Variants in SLC49A4 observed in about 807,000 individuals in gnomAD.
SLC49A4 encodes solute carrier family 49 member 4, also known as disrupted in renal cancer protein 2.
SLC49A4 carries 36 observed loss-of-function variants against 50.6 expected under a neutral mutation model. The observed-to-expected ratio is 0.71, with a 90% CI of 0.55 to 0.94. The LOEUF (loss-of-function observed/expected upper bound fraction) is 0.94, where lower values mean the gene tolerates loss of function less well. SLC49A4 is among the 40% of genes least tolerant of loss of function. The pLI is 0.00. For missense variants in SLC49A4, 503 were observed against 605.7 expected, an observed-to-expected ratio of 0.83 and a Z score of 1.78; for synonymous variants, 248 against 241.2, an observed-to-expected ratio of 1.03 and a Z score of -0.26.
At chr3:122,810,708 T>C (rs1047564281) in intron 2 of SLC49A4, among the ~76,000 whole-genome samples, 10 of 152,248 alleles carry the variant, frequency 6.6e-5, no homozygotes, top group African/African-American at 2.4e-4. Context: ...ATATTAACAA[T>C]ACTTAATGTT....
intron 3 of SLC49A4, among the ~76,000 whole-genome samples, 199 bp from the exon 4 acceptor site, chr3:122,833,118 A>G (rs139377044): frequency 0.033 from 5,029 of 152,088 alleles, 121 homozygotes; most frequent in Middle Eastern, 0.078. Flanking sequence ...GCATGCATCT[A>G]TGGTCCCAGC....
chr3:122,803,851 G>C (rs1413699471), intron 1 of SLC49A4, among the ~76,000 whole-genome samples: 1 of 152,202 alleles, frequency 6.6e-6, no homozygotes, highest in Non-Finnish European at 1.5e-5. Flanking sequence ...CTGAATGTTG[G>C]ATGCCATGTT....
rs1937103170 is a variant in SLC49A4 at position 122,865,285 on chromosome 3, A to C, written c.1138+5083A>C. Among the ~76,000 whole-genome samples, 4 of 152,218 alleles carry C rather than the reference A, an allele frequency of 2.6e-5. No individual in the cohort carries two copies. The South Asian group carries it at 8.3e-4, about 32-fold the overall frequency. On this transcript the variant is annotated intron_variant, in intron 7 of 8. Transcript: ENST00000261038. Reference sequence around the variant, plus strand: ...TATCCATGGAGATTTTCAAGAAGAGAAATAAGTCTTGCAGCAGATTCTGTG... The same window carrying C: ...TATCCATGGAGATTTTCAAGAAGAGCAATAAGTCTTGCAGCAGATTCTGTG...
At chr3:122,799,077 C>T (rs765454435) in intron 1 of SLC49A4, among the ~76,000 whole-genome samples, 2 of 152,022 alleles carry the variant, frequency 1.3e-5, no homozygotes, top group Non-Finnish European at 2.9e-5. Context: ...AGTGTGCCCT[C>T]GAAGCTAACT....
intron 4 of SLC49A4, among the ~76,000 whole-genome samples, chr3:122,843,703 G>A (rs1936809446): frequency 6.6e-6 from 1 of 152,124 alleles, no homozygotes; most frequent in African/African-American, 2.4e-5. Context: ...TCTGGATTTT[G>A]TTGATTTCCT....
At chr3:122,870,572 G>C (rs971355674) in intron 7 of SLC49A4, among the ~76,000 whole-genome samples, 4 of 150,918 alleles carry the variant, frequency 2.7e-5, no homozygotes, top group African/African-American at 9.7e-5. Flanking sequence ...ACTTTGGGGG[G>C]CTGAGGCAGG....
At chr3:122,870,656 A>C (rs1937184452) in intron 7 of SLC49A4, among the ~76,000 whole-genome samples, 1 of 150,774 alleles carries the variant, frequency 6.6e-6, no homozygotes, top group African/African-American at 2.4e-5. Flanking sequence ...TAAAAATACA[A>C]AAAAAATTTA....
At chr3:122,802,105 A>G (rs916690384) in intron 1 of SLC49A4, among the ~76,000 whole-genome samples, 42 of 152,324 alleles carry the variant, frequency 2.8e-4, no homozygotes, top group Non-Finnish European at 4.1e-4. Context: ...TCAGGCCAGG[A>G]GTTCAAGACC....
At position 122,850,349 on chromosome 3, in the gene SLC49A4, G is replaced by A. The variant is rs143507906; in HGVS notation, c.942+4478G>A. On this transcript the variant is annotated intron_variant, in intron 5 of 8. Coordinates refer to ENST00000261038, the MANE Select transcript of SLC49A4 (RefSeq NM_032839.3). ...TATAAGTAGAACGATGTCTTTTGTC[G>A]CCAAAGTTGATATACTAAGAGTGAT... is the stretch of plus-strand genomic sequence containing the variant. 5.9e-5 allele frequency among the ~76,000 whole-genome samples: 9 copies of A among 152,168 alleles called. No homozygotes were observed. The East Asian group carries it at 1.2e-3, about 20-fold the overall frequency.
At position 122,795,419 on chromosome 3, in the gene SLC49A4, A is replaced by G; in HGVS notation, c.227A>G (p.Gln76Arg). Residue 76 changes from glutamine to arginine, a missense_variant, in exon 1 of 9, where the codon CAG becomes CGG. Transcript: ENST00000261038. ...GLVWNTWGPI[Q>R]NSARQAYGFS... ...GTCTGGAACACCTGGGGTCCCATCC[A>G]GAACTCGGCGCGCCAGGCCTACGGC... 6.2e-7 allele frequency: 1 copy of G among 1,608,100 alleles called. No individual in the cohort carries two copies. The highest frequency in any genetic ancestry group is 8.5e-7 in the Non-Finnish European group (1 of 1,179,010).
At chr3:122,873,182 A>G (rs1342930477) in intron 8 of SLC49A4, among the ~76,000 whole-genome samples, 2 of 147,038 alleles carry the variant, frequency 1.4e-5, no homozygotes, top group Non-Finnish European at 3.0e-5. Flanking sequence ...AAATTTTGAA[A>G]CTTTTTTTTT....
At chr3:122,809,103 A>G (rs753024199) in intron 2 of SLC49A4, among the ~76,000 whole-genome samples, 2 of 152,204 alleles carry the variant, frequency 1.3e-5, no homozygotes, top group Non-Finnish European at 2.9e-5. Flanking sequence ...GATTTCAGGG[A>G]CAAGATGTTG....
intron 6 of SLC49A4, among the ~76,000 whole-genome samples, chr3:122,858,866 T>G (rs1937023052): frequency 6.6e-6 from 1 of 152,112 alleles, no homozygotes; most frequent in South Asian, 2.1e-4. Flanking sequence ...AGCTGGCAAG[T>G]GGAAAATTTT....
intron 5 of SLC49A4, among the ~76,000 whole-genome samples, chr3:122,851,888 A>G (rs1936931196): frequency 6.6e-6 from 1 of 151,316 alleles, no homozygotes; most frequent in Non-Finnish European, 1.5e-5. Flanking sequence ...TAGATATTTT[A>G]GCTATCTTTT....
At chr3:122,822,213 T>C (rs1396412117) in intron 2 of SLC49A4, among the ~76,000 whole-genome samples, 1 of 152,198 alleles carries the variant, frequency 6.6e-6, no homozygotes, top group Non-Finnish European at 1.5e-5. Flanking sequence ...TCCCCCTCCT[T>C]CGTTTTTCTT....
chr3:122,876,646 G>C (rs114876108), intron 8 of SLC49A4, among the ~76,000 whole-genome samples: 380 of 152,286 alleles, frequency 2.5e-3, no homozygotes, highest in African/African-American at 8.6e-3. Flanking sequence ...AAAGAAAATA[G>C]GAAGTTTGTT....
chr3:122,795,154 GA>G lies in SLC49A4; in HGVS notation c.-38del. ...CGCTGGGCTAGTCGGCGGTGACCCG[GA>G]CTGCGCCCGGCAGTGGCTTCGCGGG... On this transcript the variant is annotated 5_prime_UTR_variant, in exon 1 of 9. Coordinates refer to ENST00000261038, the MANE Select transcript of SLC49A4 (RefSeq NM_032839.3). The G allele has an allele frequency of 3.8e-6, 5 of 1,308,292 alleles. No individual in the cohort carries two copies. Among genetic ancestry groups the G allele is most frequent in the East Asian group, 3.2e-5 (1 of 31,646 alleles). 81.0% of individuals were successfully genotyped at this position (1,308,292 alleles called of 1,614,324 possible).
chr3:122,839,670 C>T (rs920329260), intron 4 of SLC49A4, among the ~76,000 whole-genome samples: 11 of 151,946 alleles, frequency 7.2e-5, no homozygotes, highest in African/African-American at 2.7e-4. Context: ...GGGAAATGCA[C>T]ATTAAAACCA....
chr3:122,854,621 C>T (rs1196346130), intron 5 of SLC49A4, among the ~76,000 whole-genome samples: 1 of 152,214 alleles, frequency 6.6e-6, no homozygotes, highest in African/African-American at 2.4e-5. Context: ...ACACCTTCTT[C>T]CAAGTTCTAA....
Sources: allele counts gnomAD v4.1 joint callset (sites outside exome capture counted in the v4.1 genomes callset), GRCh38; gene constraint gnomAD v4.1.1; transcripts MANE v1.5; gene names NCBI Gene and HGNC (gene_info 2026-07-23, HGNC 2026-07-21).